KCND1: variants seen among roughly 807,000 people sequenced by gnomAD.
The protein encoded by KCND1 is A-type voltage-gated potassium channel KCND1.
KCND1 carries 11 observed loss-of-function variants against 31.8 expected under a neutral mutation model. The ratio of observed to expected loss-of-function variants is 0.35; its 90% confidence interval spans 0.22 to 0.57. The LOEUF is 0.57. Among genes scored for constraint, KCND1 ranks in the 20% least tolerant of loss-of-function variants. KCND1 has a pLI of 0.85. For missense variants in KCND1, 471 were observed against 596.8 expected, an observed-to-expected ratio of 0.79 and a Z score of 2.20; for synonymous variants, 234 against 248.1, an observed-to-expected ratio of 0.94 and a Z score of 0.53.
Position 48,962,746 on chromosome X carries a change from G to C in KCND1, c.1779C>G (p.Asp593Glu), listed in dbSNP as rs2064329598. ...DSLDLNCDSR[D>E]FVAAIISIPT... ...GGATGCTGATAATGGCAGCCACGAA[G>C]TCCCGGCTGTCGCAGTTCAGGTCAA... The change falls in exon 6 of 6, where the codon GAC becomes GAG. Residue 593 changes from aspartate (D) to glutamate (E), a missense_variant. By Grantham distance (45) the Asp-to-Glu change is conservative. This residue lies in a region of KCND1 where 185 missense variants were observed against 184.7 expected (regional missense o/e 1.00). Transcript: ENST00000218176. The C allele has an allele frequency of 8.3e-7, 1 of 1,210,668 alleles. No individual in the cohort carries two copies. The highest frequency in any genetic ancestry group is 3.0e-5 in the East Asian group (1 of 33,820).
rs2064328891 is a variant in KCND1, at chrX:48,962,708, G to C, written c.1817C>G (p.Ala606Gly). 8.3e-7 allele frequency: 1 copy of C among 1,210,663 alleles called. No homozygotes were observed. ...AAIISIPTPP[A>G]NTPDESQPSS... is the part of the protein sequence containing the mutation. ...AGGTTGGCTCTCATCTGGGGTGTTG[G>C]CAGGAGGGGTAGGGATGCTGATAAT... is the stretch of plus-strand genomic sequence containing the variant. Residue 606 changes from alanine to glycine, a missense_variant, in exon 6 of 6, where the codon GCC (alanine) becomes GGC (glycine). Physicochemically the swap from Ala to Gly is moderately conservative, Grantham distance 60 (BLOSUM62 0). Around this residue, in one of 3 missense-constraint regions of KCND1, gnomAD observed 185 missense variants for 184.7 expected, o/e 1.00. Coordinates refer to ENST00000218176, the MANE Select transcript of KCND1 (RefSeq NM_004979.6).
Position 48,964,478 on chromosome X carries a change from C to T in KCND1, c.1718+1577G>A, listed in dbSNP as rs12845696. On this transcript the variant is annotated intron_variant, in intron 5 of 5. Transcript: ENST00000218176. ...TTCCAGTGAGCCAAGATCGCGCCACCGCACTCCAGTCTGGGCGACAGAGCA... is the reference window on the plus strand; with the variant it reads ...TTCCAGTGAGCCAAGATCGCGCCACTGCACTCCAGTCTGGGCGACAGAGCA... Among the ~76,000 whole-genome samples, 617 of 108,133 alleles carry T rather than the reference C, an allele frequency of 5.7e-3. 1 individual carries two copies. Among genetic ancestry groups the T allele is most frequent in the Non-Finnish European group, 8.9e-3 (464 of 51,890 alleles). 93.9% of individuals were successfully genotyped at this position (108,133 alleles called of 115,157 possible).
rs2064320835 is a variant in KCND1, at chrX:48,961,689, C to A, written c.*892G>T. 1 of 112,216 alleles carries A rather than the reference C, an allele frequency of 8.9e-6. No individual in the cohort carries two copies. Among genetic ancestry groups the A allele is most frequent in the Admixed American group, 9.5e-5 (1 of 10,576 alleles). The allele number at this position is 112,216 out of a possible 1,213,427, so 9.2% of individuals were successfully genotyped here. Reference sequence around the variant, plus strand: ...GGAATCAGCCCATGATCTCCAAATACAGCCCAGCTCTTGCTGGTTGCCAGG... The same window carrying A: ...GGAATCAGCCCATGATCTCCAAATAAAGCCCAGCTCTTGCTGGTTGCCAGG... On this transcript the variant is annotated 3_prime_UTR_variant, in exon 6 of 6. Transcript: ENST00000218176.
rs782167195 is a variant in KCND1, at chrX:48,969,527, G to A, written c.745C>T (p.Arg249Trp). ...VLIFTGEYLL[R>W]LFAAPSRCRF... is the part of the protein sequence containing the mutation. Reference sequence around the variant, plus strand: ...CAACGGCTGGGGGCGGCAAACAGCCGCAGGAGGTATTCACCTGTGAATATG... The same window carrying A: ...CAACGGCTGGGGGCGGCAAACAGCCACAGGAGGTATTCACCTGTGAATATG... The change falls in exon 1 of 6, where the codon CGG (arginine) becomes TGG (tryptophan). Residue 249 changes from arginine (R) to tryptophan (W), a missense_variant. Coordinates refer to ENST00000218176, the MANE Select transcript of KCND1 (RefSeq NM_004979.6). 4 of 1,209,546 alleles carry A rather than the reference G, an allele frequency of 3.3e-6. No homozygotes were observed. Among genetic ancestry groups the A allele is most frequent in the Non-Finnish European group, 4.5e-6 (4 of 894,873 alleles).
chrX:48,966,525 G>T, intron 4 of KCND1, 53 bp downstream of exon 4: 1 of 1,097,324 alleles, frequency 9.1e-7, no homozygotes, highest in Non-Finnish European at 1.2e-6. Context: ...GAGCTGGCAT[G>T]GCCGCAGAGG....
At position 48,969,639 on chromosome X, in the gene KCND1, G is replaced by A. The variant is rs782214056; in HGVS notation, c.633C>T (p.Arg211=). 8.3e-6 allele frequency: 10 copies of A among 1,209,874 alleles called. No individual in the cohort carries two copies. Among genetic ancestry groups the A allele is most frequent in the African/African-American group, 3.5e-5 (2 of 57,558 alleles). Residue 211 remains arginine (R), a synonymous_variant, in exon 1 of 6, where the codon CGC becomes CGT. Transcript: ENST00000218176. ...IANVVETIPC[R]GSARRSSREQ... is the part of the protein sequence containing the mutation. ...CCCTTGAGGACCTGCGTGCAGAGCC[G>A]CGGCATGGGATGGTCTCCACCACAT...
At chrX:48,965,332 T>C (rs1477912986) in intron 5 of KCND1, among the ~76,000 whole-genome samples, 1 of 111,891 alleles carries the variant, frequency 8.9e-6, no homozygotes, top group East Asian at 2.9e-4. Context: ...ATAATAGGCA[T>C]GAGCCACTGC....
In KCND1 at chrX:48,966,063, G is replaced by T. The variant is rs375155548; in HGVS notation, c.1710C>A (p.Ala570=). The change falls in exon 5 of 6, where the codon GCC becomes GCA. Residue 570 remains alanine (A), a synonymous_variant. Transcript: ENST00000218176. The part of the protein sequence containing the change: ...DMLAGLRRSH[A]PQSRSSLNAK... ...GTAGGAGGGCTGCTTACCTCTGAGG[G>T]GCATGGCTCCTGCGCAGCCCTGCCA... is the stretch of plus-strand genomic sequence containing the variant. The T allele has an allele frequency of 9.1e-6, 11 of 1,208,446 alleles. No homozygotes were observed. Among genetic ancestry groups the T allele is most frequent in the Middle Eastern group, 2.5e-4 (1 of 4,024 alleles).
chrX:48,966,743 A>C lies in KCND1; in HGVS notation c.1368+18T>G, dbSNP rs1557058080. On this transcript the variant is annotated intron_variant, in intron 3 of 5. Coordinates refer to ENST00000218176, the MANE Select transcript of KCND1 (RefSeq NM_004979.6). ...CCCCGTTATGGCTCACCCCAACCCT[A>C]TCCAGGCCCCGACCCACCTCAAGGC... The C allele has an allele frequency of 8.3e-7, 1 of 1,206,300 alleles. No homozygotes were observed. Among genetic ancestry groups the C allele is most frequent in the African/African-American group, 1.8e-5 (1 of 56,959 alleles).
chrX:48,965,342 C>T (rs1427557837), intron 5 of KCND1, among the ~76,000 whole-genome samples: 3 of 111,957 alleles, frequency 2.7e-5, no homozygotes, highest in South Asian at 3.7e-4. Flanking sequence ...TGAGCCACTG[C>T]GCCCGGCCTG....
chrX:48,970,546 A>T lies in KCND1; in HGVS notation c.-275T>A. On this transcript the variant is annotated 5_prime_UTR_variant, in exon 1 of 6. Transcript: ENST00000218176. ...AGAAGAGCAGAAAAGGGGTGTGGGG[A>T]TGGGGCCAAGAAGGAGCTGAGGGAG... 1.3e-5 allele frequency: 4 copies of T among 310,856 alleles called. No homozygotes were observed. Among genetic ancestry groups the T allele is most frequent in the Non-Finnish European group, 2.2e-5 (4 of 180,471 alleles). 25.6% of individuals were successfully genotyped at this position (310,856 alleles called of 1,213,427 possible).
In KCND1 at chrX:48,971,770, C is replaced by T. The variant is rs946438257; in HGVS notation, c.-1499G>A. Among the ~76,000 whole-genome samples the T allele has an allele frequency of 1.8e-5, 2 of 111,305 alleles. No homozygotes were observed. The highest frequency in any genetic ancestry group is 5.7e-4 in the East Asian group (2 of 3,486). On this transcript the variant is annotated 5_prime_UTR_variant, in exon 1 of 6. Coordinates refer to ENST00000218176, the MANE Select transcript of KCND1 (RefSeq NM_004979.6). ...GTCCCCGCTGCAGGAGCAGCAACAG[C>T]GGTGGGGCTGGGGGTACCAAACACC...
At position 48,966,674 on chromosome X, in the gene KCND1, G is replaced by A; in HGVS notation, c.1371C>T (p.Asp457=). Residue 457 remains aspartate (D), a splice_region_variant and synonymous_variant, in exon 4 of 6, where the codon GAC becomes GAT. Transcript: ENST00000218176. ...GAGCCTGTTCCTCGCCACTGCCGCT[G>A]TCCTGGAGTAGATGGAGCAGAGCGA... ...LQYKQNGGLE[D]SGSGEEQALC... 8.3e-7 allele frequency: 1 copy of A among 1,209,265 alleles called. No homozygotes were observed. The highest frequency in any genetic ancestry group is 1.7e-5 in the African/African-American group (1 of 57,578).
Position 48,969,543 on chromosome X carries a change from T to A in KCND1, c.729A>T (p.Thr243=). 8.3e-7 allele frequency: 1 copy of A among 1,210,243 alleles called. No individual in the cohort carries two copies. Among genetic ancestry groups the A allele is most frequent in the Non-Finnish European group, 1.1e-6 (1 of 894,626 alleles). The change falls in exon 1 of 6, where the codon ACA becomes ACT. Residue 243 remains threonine (T), a synonymous_variant. Transcript: ENST00000218176. ...CMDTACVLIF[T]GEYLLRLFAA... ...CAAACAGCCGCAGGAGGTATTCACC[T>A]GTGAATATGAGTACACAGGCTGTGT...
Position 48,970,500 on chromosome X carries a change from A to C in KCND1, c.-229T>G. 2.6e-6 allele frequency: 1 copy of C among 390,878 alleles called. No individual in the cohort carries two copies. Among genetic ancestry groups the C allele is most frequent in the South Asian group, 5.0e-5 (1 of 20,088 alleles). The allele number at this position is 390,878 out of a possible 1,213,427, so 32.2% of individuals were successfully genotyped here. ...GCCTGGGCAATGTTCTGAGGGACTG[A>C]GAAGGGCCTTGGGGACATGGAGAAG... is the stretch of plus-strand genomic sequence containing the variant. On this transcript the variant is annotated 5_prime_UTR_variant, in exon 1 of 6. Coordinates refer to ENST00000218176, the MANE Select transcript of KCND1 (RefSeq NM_004979.6).
Position 48,969,422 on chromosome X carries a change from T to C in KCND1, c.850A>G (p.Asn284Asp). Residue 284 changes from asparagine (N) to aspartate (D), a missense_variant, in exon 1 of 6, where the codon AAC (asparagine) becomes GAC (aspartate). By Grantham distance (23) the Asn-to-Asp change is conservative (BLOSUM62 1). Around this residue, in one of 3 missense-constraint regions of KCND1, gnomAD observed 74 missense variants for 154.2 expected, o/e 0.48. Transcript: ENST00000218176. ...PYYIGLLVPK[N>D]DDVSGAFVTL... The stretch of plus-strand genomic sequence containing the variant: ...ACAAAGGCGCCAGAGACATCGTCGT[T>C]CTTGGGCACCAAAAGCCCAATGTAG... 1 of 1,211,227 alleles carries C rather than the reference T, an allele frequency of 8.3e-7. No homozygotes were observed. The highest frequency in any genetic ancestry group is 1.1e-6 in the Non-Finnish European group (1 of 895,110).
rs1229229788 is a variant in KCND1 at position 48,962,499 on chromosome X, C to G, written c.*82G>C. The G allele has an allele frequency of 1.2e-5, 9 of 723,609 alleles. 1 individual carries two copies. In the Admixed American group the frequency reaches 2.8e-4, roughly 22 times the overall value. The allele number at this position is 723,609 out of a possible 1,213,427, so 59.6% of individuals were successfully genotyped here. A position where few individuals can be genotyped will look rare whatever the true frequency, so the allele number is the denominator to read the frequency against. ...GGGCAGAAGGGGTGCCCAAGCCTGC[C>G]CCTCTCTGCCTCCCAAAAATATGGC... On this transcript the variant is annotated 3_prime_UTR_variant, in exon 6 of 6. Transcript: ENST00000218176.
Position 48,970,048 on chromosome X carries a change from TAGA to T in KCND1, c.221_223del (p.Phe74del), listed in dbSNP as rs1557058703. On this transcript the variant is annotated inframe_deletion, in exon 1 of 6. Coordinates refer to ENST00000218176, the MANE Select transcript of KCND1 (RefSeq NM_004979.6). ...GAAGTACTCGCCTGAGTCAGCATCG[TAGA>T]AGAATTCCTTCTCCGAGCTGCCCAG... 1 of 1,209,135 alleles carries T rather than the reference TAGA, an allele frequency of 8.3e-7. No homozygotes were observed. The highest frequency in any genetic ancestry group is 1.1e-6 in the Non-Finnish European group (1 of 894,257).
chrX:48,969,472 A>T lies in KCND1; in HGVS notation c.800T>A (p.Ile267Asn), dbSNP rs1557058472. Residue 267 changes from isoleucine to asparagine, a missense_variant, in exon 1 of 6, where the codon ATC becomes AAC. By Grantham distance (149) the Ile-to-Asn change is moderately radical (BLOSUM62 -3). Transcript: ENST00000218176. ...GTAGGGCAGGATGGCCACCACGTCG[A>T]TGAGGCTCATGACACTCCGCAGGAA... ...CRFLRSVMSL[I>N]DVVAILPYYI... The T allele has an allele frequency of 8.3e-7, 1 of 1,210,078 alleles. No individual in the cohort carries two copies. Among genetic ancestry groups the T allele is most frequent in the African/African-American group, 1.7e-5 (1 of 57,372 alleles).
Sources: gnomAD v4.1 joint callset for allele counts (sites outside exome capture counted in the v4.1 genomes callset) on GRCh38, gnomAD v4.1.1 for gene constraint, gnomAD v4.1.1 regional missense constraint, MANE v1.5 for transcripts, NCBI Gene and HGNC (gene_info 2026-07-23, HGNC 2026-07-21) for gene names.